RBM18: variants seen among roughly 807,000 people sequenced by gnomAD.
RBM18 encodes RNA binding motif protein 18.
In RBM18, 18 loss-of-function variants were observed where a neutral mutation model predicts 26.4. The ratio of observed to expected loss-of-function variants is 0.68; its 90% CI spans 0.47 to 1.01. The LOEUF is 1.01. Ranked by LOEUF, RBM18 falls within the 50% of genes least tolerant of loss-of-function variation. The probability of loss-of-function intolerance (pLI) is 0.00; values close to 1 mark genes in which losing one functional copy is unlikely to be tolerated. For synonymous variants in RBM18, 74 were observed against 81.1 expected (o/e 0.91, Z 0.47); for missense variants, 180 against 219.2 (o/e 0.82, Z 1.13).
At position 122,237,985 on chromosome 9, in the gene RBM18, C is replaced by T. The variant is rs921840609; in HGVS notation, c.*3899G>A. 6.6e-6 allele frequency: 1 copy of T among 152,092 alleles called. No individual in the cohort carries two copies. The highest frequency in any genetic ancestry group is 1.5e-5 in the Non-Finnish European group (1 of 68,018). 9.4% of individuals were successfully genotyped at this position (152,092 alleles called of 1,614,324 possible). On this transcript the variant is annotated 3_prime_UTR_variant, in exon 6 of 6. Coordinates refer to ENST00000417201, the MANE Select transcript of RBM18 (RefSeq NM_033117.4). ...AAAATGAAAAAAAAATCATTCTTAA[C>T]TTGTAGGCTATACAAAATTAGGAGG...
chr9:122,245,670 T>G (rs922980667), intron 4 of RBM18, among the ~76,000 whole-genome samples: 1 of 152,224 alleles, frequency 6.6e-6, no homozygotes, highest in Middle Eastern at 3.4e-3. Context: ...CTTACAATAT[T>G]TATTTTATTA....
rs1192501617 is a variant in RBM18 at position 122,241,583 on chromosome 9, TG to T, written c.*300del. On this transcript the variant is annotated 3_prime_UTR_variant, in exon 6 of 6. Transcript: ENST00000417201. ...AATAATATTTTGTGTATTTGCCTTT[TG>T]CTCTGGCACACTATAGAATGTTTCT... 1 of 249,448 alleles carries T rather than the reference TG, an allele frequency of 4.0e-6. No individual in the cohort carries two copies. The highest frequency in any genetic ancestry group is 7.6e-6 in the Non-Finnish European group (1 of 132,138). 15.5% of individuals were successfully genotyped at this position (249,448 alleles called of 1,614,324 possible).
At chr9:122,247,810 G>A (rs1831529222) in intron 3 of RBM18, among the ~76,000 whole-genome samples, 1 of 143,408 alleles carries the variant, frequency 7.0e-6, no homozygotes, top group Non-Finnish European at 1.5e-5. Flanking sequence ...TTGAGATGGA[G>A]TCTTGCTCTG....
intron 3 of RBM18, 92 bp from the exon 4 acceptor site, chr9:122,247,696 A>G: frequency 1.1e-6 from 1 of 913,938 alleles, no homozygotes; most frequent in Non-Finnish European, 1.8e-6. Flanking sequence ...TTGATGGCTG[A>G]GTTTCTAACA....
chr9:122,251,996 G>A (rs970070802), intron 2 of RBM18, 23 bp from the exon 3 acceptor site: 2 of 1,612,658 alleles, frequency 1.2e-6, no homozygotes, highest in Non-Finnish European at 1.7e-6. Context: ...AAGAGTCCAT[G>A]AGTATGCTCT....
rs1175307058 is a variant in RBM18 at position 122,242,056 on chromosome 9, T to C, written c.414-13A>G. ...CTTTGCAGTGACACTGGAAAAATAATAGCAGAGGATCAGAGTGGGCCTAGG... is the reference window on the plus strand; with the variant it reads ...CTTTGCAGTGACACTGGAAAAATAACAGCAGAGGATCAGAGTGGGCCTAGG... On this transcript the variant is annotated splice_polypyrimidine_tract_variant and intron_variant, in intron 5 of 5. Coordinates refer to ENST00000417201, the MANE Select transcript of RBM18 (RefSeq NM_033117.4). 7 of 1,613,564 alleles carry C rather than the reference T, an allele frequency of 4.3e-6. No individual in the cohort carries two copies. The highest frequency in any genetic ancestry group is 1.1e-5 in the South Asian group (1 of 91,018).
At chr9:122,246,427 G>C (rs985934620) in intron 4 of RBM18, among the ~76,000 whole-genome samples, 3 of 152,220 alleles carry the variant, frequency 2.0e-5, no homozygotes, top group Non-Finnish European at 1.5e-5. Context: ...TCAAATGAAA[G>C]ACAGGAATGG....
At chr9:122,246,070 TAA>T (rs1831501760) in intron 4 of RBM18, among the ~76,000 whole-genome samples, 2 of 152,238 alleles carry the variant, frequency 1.3e-5, no homozygotes, top group Non-Finnish European at 2.9e-5. Context: ...GAGTGAAGAA[TAA>T]AAGTTGTAAC....
chr9:122,251,164 A>G (rs10818661), intron 3 of RBM18, among the ~76,000 whole-genome samples: 140,832 of 152,120 alleles, frequency 0.93, 65,523 homozygotes, highest in East Asian at 1. Flanking sequence ...CTCAGCCTCC[A>G]GGGTAGTTGT....
At position 122,244,711 on chromosome 9, in the gene RBM18, C is replaced by T. The variant is rs529771957; in HGVS notation, c.413+545G>A. On this transcript the variant is annotated intron_variant, in intron 5 of 5. Coordinates refer to ENST00000417201, the MANE Select transcript of RBM18 (RefSeq NM_033117.4). ...AAAAAACAAACAAACAAAAAACCCA[C>T]CTTCTACTTCTGCTCAACCATCCAC... Among the ~76,000 whole-genome samples the T allele has an allele frequency of 1.5e-4, 23 of 152,280 alleles. No individual in the cohort carries two copies. The East Asian group carries it at 4.4e-3, about 29-fold the overall frequency.
chr9:122,256,309 G>T (rs1831697368), intron 2 of RBM18, among the ~76,000 whole-genome samples: 1 of 151,920 alleles, frequency 6.6e-6, no homozygotes, highest in Non-Finnish European at 1.5e-5. Flanking sequence ...GTACTTATAG[G>T]CCTTTATTTA....
At chr9:122,243,747 G>T (rs1235370250) in intron 5 of RBM18, 8 of 985,348 alleles carry the variant, frequency 8.1e-6, no homozygotes, top group East Asian at 2.3e-4. Flanking sequence ...ATATTACCGA[G>T]ATGCATTCTG....
intron 2 of RBM18, among the ~76,000 whole-genome samples, chr9:122,260,450 C>T (rs1831771842): frequency 6.6e-6 from 1 of 152,220 alleles, no homozygotes; most frequent in Non-Finnish European, 1.5e-5. Context: ...ACCACCCTCC[C>T]TCTATCAAAT....
chr9:122,243,877 A>G (rs1207853881), intron 5 of RBM18: 1 of 985,008 alleles, frequency 1.0e-6, no homozygotes, highest in Non-Finnish European at 1.2e-6. Context: ...CTCTGGATAA[A>G]AAAATAGATG....
At chr9:122,257,698 C>A (rs972493741) in intron 2 of RBM18, among the ~76,000 whole-genome samples, 4 of 152,130 alleles carry the variant, frequency 2.6e-5, no homozygotes, top group Admixed American at 2.0e-4. Flanking sequence ...TTTACATATT[C>A]ATTCATAACA....
chr9:122,242,781 G>T (rs1031808939), intron 5 of RBM18, among the ~76,000 whole-genome samples: 1 of 151,462 alleles, frequency 6.6e-6, no homozygotes, highest in African/African-American at 2.4e-5. Context: ...CCTCAGCCTC[G>T]TGAGTAGGTA....
chr9:122,249,143 G>A (rs1192299445), intron 3 of RBM18, among the ~76,000 whole-genome samples: 1 of 151,926 alleles, frequency 6.6e-6, no homozygotes, highest in African/African-American at 2.4e-5. Context: ...TTTCCTACCT[G>A]TACAAATTAT....
At chr9:122,253,852 C>A (rs764586888) in intron 2 of RBM18, among the ~76,000 whole-genome samples, 32 of 151,580 alleles carry the variant, frequency 2.1e-4, no homozygotes, top group Non-Finnish European at 4.3e-4. Flanking sequence ...ATGGTGAAAC[C>A]CTGTCTCTAC....
In RBM18 at chr9:122,241,776, G is replaced by A. The variant is rs1831424888; in HGVS notation, c.*108C>T. ...ACATTATGTTACCAAATGCTAACAT[G>A]TGATTGTGCTCCGTTGAATAGTACC... On this transcript the variant is annotated 3_prime_UTR_variant, in exon 6 of 6. Coordinates refer to ENST00000417201, the MANE Select transcript of RBM18 (RefSeq NM_033117.4). 9.0e-6 allele frequency: 8 copies of A among 889,082 alleles called. No homozygotes were observed. The highest frequency in any genetic ancestry group is 1.7e-5 in the African/African-American group (1 of 59,164). 55.1% of individuals were successfully genotyped at this position (889,082 alleles called of 1,614,324 possible).
Sources: allele counts gnomAD v4.1 joint callset (sites outside exome capture counted in the v4.1 genomes callset), GRCh38; gene constraint gnomAD v4.1.1; transcripts MANE v1.5; gene names NCBI Gene and HGNC (gene_info 2026-07-23, HGNC 2026-07-21).